Variants in FANCB observed in about 807,000 individuals in gnomAD.
The protein encoded by FANCB is FA complementation group B.
In FANCB, 5 loss-of-function variants were observed where a neutral mutation model predicts 38.9. That is an observed-to-expected ratio of 0.13 (90% CI 0.07 to 0.27). FANCB has a LOEUF of 0.27. Among genes scored for constraint, FANCB ranks in the 10% least tolerant of loss-of-function variants. FANCB has a pLI of 1.00. For missense variants in FANCB, 573 were observed against 602.7 expected (o/e 0.95, Z 0.52); for synonymous variants, 236 against 215.4 (o/e 1.10, Z -0.84).
the FANCB span, among the ~76,000 whole-genome samples, chrX:14,758,512 C>T: frequency 8.9e-6 from 1 of 112,218 alleles, no homozygotes; most frequent in African/African-American, 3.2e-5. Flanking sequence ...CTTGTATCCA[C>T]GGCTGAGAGA....
chrX:14,835,538 C>T (rs1413555237), downstream of FANCB, among the ~76,000 whole-genome samples: 2 of 111,971 alleles, frequency 1.8e-5, no homozygotes, highest in East Asian at 2.8e-4. Context: ...CCATGCCCAA[C>T]TCTCAATTTC....
the FANCB span, among the ~76,000 whole-genome samples, chrX:14,808,533 T>G: frequency 8.9e-6 from 1 of 111,843 alleles, no homozygotes; most frequent in East Asian, 2.8e-4. Context: ...ATAAAACTCC[T>G]TAAAAAACTG....
chrX:14,845,018 T>C lies in FANCB; in HGVS notation c.1765A>G (p.Thr589Ala), dbSNP rs975151235. The change falls in exon 8 of 10, where the codon ACA becomes GCA. Residue 589 changes from threonine (T) to alanine (A), a missense_variant. By Grantham distance (58) the Thr-to-Ala change is moderately conservative (BLOSUM62 0). Coordinates refer to ENST00000650831, the MANE Select transcript of FANCB (RefSeq NM_001018113.3). ...TAVTSLSPLLTFSKFCCTVLL... is the reference protein window; with the variant it reads ...TAVTSLSPLLAFSKFCCTVLL... ...ACAGTGCAACAAAATTTACTGAATG[T>C]TAAAAGTGGTGAAAGAGATGTTACA... 5 of 1,210,001 alleles carry C rather than the reference T, an allele frequency of 4.1e-6. No individual in the cohort carries two copies. Among genetic ancestry groups the C allele is most frequent in the Non-Finnish European group, 5.6e-6 (5 of 893,927 alleles).
intron 3 of FANCB, among the ~76,000 whole-genome samples, chrX:14,860,888 A>AT (rs112900425): frequency 1.3e-3 from 141 of 104,658 alleles, no homozygotes; most frequent in African/African-American, 3.0e-3. Flanking sequence ...TGACAGATGG[A>AT]TTTTTTTTTT....
intron 10 of FANCB, among the ~76,000 whole-genome samples, chrX:14,836,886 A>T (rs1194830706): frequency 9.0e-6 from 1 of 111,623 alleles, no homozygotes; most frequent in Non-Finnish European, 1.9e-5. Context: ...AACTTCAGTA[A>T]AACTTTGTAT....
the FANCB span, among the ~76,000 whole-genome samples, chrX:14,790,270 T>C: frequency 3.6e-5 from 4 of 112,119 alleles, no homozygotes; most frequent in African/African-American, 1.3e-4. Context: ...TGAAAGCTTG[T>C]AAAACACCCT....
At chrX:14,815,556 A>G in the FANCB span, among the ~76,000 whole-genome samples, 498 of 112,586 alleles carry the variant, frequency 4.4e-3, 24 homozygotes, top group East Asian at 0.099. Context: ...GAACACTTAT[A>G]CACTGTTAGT....
the FANCB span, among the ~76,000 whole-genome samples, chrX:14,825,952 C>G: frequency 8.9e-6 from 1 of 112,110 alleles, no homozygotes; most frequent in African/African-American, 3.2e-5. Context: ...TGCCTTAGCC[C>G]TGGAAGTTAA....
At chrX:14,836,256 C>G (rs1364238801) in intron 10 of FANCB, 5 of 111,740 alleles carry the variant, frequency 4.5e-5, no homozygotes, top group African/African-American at 1.6e-4. Flanking sequence ...TTGCCAAGAG[C>G]TGGTGGAAGA....
chrX:14,780,798 T>C, the FANCB span, among the ~76,000 whole-genome samples: 1 of 106,997 alleles, frequency 9.3e-6, no homozygotes, highest in Non-Finnish European at 1.9e-5. Context: ...TCACAAAATA[T>C]TCTTGGTTTT....
At chrX:14,860,351 T>C (rs754915885) in intron 3 of FANCB, among the ~76,000 whole-genome samples, 1 of 112,214 alleles carries the variant, frequency 8.9e-6, no homozygotes, top group African/African-American at 3.2e-5. Context: ...GAGACAGCTT[T>C]TCTGTAAACC....
the FANCB span, among the ~76,000 whole-genome samples, chrX:14,758,848 C>T: frequency 1.5e-3 from 169 of 111,468 alleles, no homozygotes; most frequent in African/African-American, 5.1e-3. Context: ...CATACTAGCT[C>T]ACCAGCAATA....
chrX:14,772,235 G>A, the FANCB span, among the ~76,000 whole-genome samples: 144 of 110,250 alleles, frequency 1.3e-3, no homozygotes, highest in African/African-American at 4.7e-3. Context: ...CAGAGATGGT[G>A]GCCGCTCTCT....
At chrX:14,815,122 G>C in the FANCB span, among the ~76,000 whole-genome samples, 37 of 110,654 alleles carry the variant, frequency 3.3e-4, no homozygotes, top group Non-Finnish European at 6.6e-4. Flanking sequence ...TTGAACAATG[G>C]GAACAGTTGG....
At chrX:14,796,669 C>A in the FANCB span, among the ~76,000 whole-genome samples, 1 of 82,400 alleles carries the variant, frequency 1.2e-5, no homozygotes, top group African/African-American at 4.8e-5. Flanking sequence ...TATACACACA[C>A]ACACACACAC....
At chrX:14,801,498 T>C in the FANCB span, among the ~76,000 whole-genome samples, 1 of 112,218 alleles carries the variant, frequency 8.9e-6, no homozygotes, top group East Asian at 2.8e-4. Flanking sequence ...GTGAAATCAT[T>C]TGATGGGTTA....
the FANCB span, among the ~76,000 whole-genome samples, chrX:14,826,891 TTTTG>T: frequency 3.6e-5 from 4 of 111,887 alleles, no homozygotes; most frequent in African/African-American, 6.5e-5. Flanking sequence ...CATCTAATAT[TTTTG>T]TTTCTTTTTT....
chrX:14,813,145 G>C, the FANCB span, among the ~76,000 whole-genome samples: 71 of 108,503 alleles, frequency 6.5e-4, no homozygotes, highest in Non-Finnish European at 1.2e-3. Flanking sequence ...TCAATAAATT[G>C]GGTATTGATG....
chrX:14,785,578 C>T, the FANCB span, among the ~76,000 whole-genome samples: 1 of 112,145 alleles, frequency 8.9e-6, no homozygotes, highest in Admixed American at 9.4e-5. Flanking sequence ...TTTGATCCAA[C>T]TTTTGCTCTT....
Sources: allele counts gnomAD v4.1 joint callset (sites outside exome capture counted in the v4.1 genomes callset), GRCh38; gene constraint gnomAD v4.1.1; transcripts MANE v1.5; gene names NCBI Gene and HGNC (gene_info 2026-07-23, HGNC 2026-07-21).